The following PTPN14 variants were observed in gnomAD, a reference collection of about 807,000 sequenced individuals.
PTPN14 encodes tyrosine-protein phosphatase non-receptor type 14.
A neutral mutation model predicts 126.8 loss-of-function variants in PTPN14; 53 were observed. The ratio of observed to expected loss-of-function variants is 0.42; its 90% confidence interval spans 0.34 to 0.53. The LOEUF (loss-of-function observed/expected upper bound fraction) is 0.53, where lower values mean the gene tolerates loss of function less well. PTPN14 is among the 20% of genes least tolerant of loss of function. PTPN14 has a pLI of 0.08. For missense variants in PTPN14, 1,257 were observed against 1,552.9 expected (o/e 0.81, Z 3.20); for synonymous variants, 630 against 599.3 (o/e 1.05, Z -0.75).
chr1:214,496,690 A>G (rs78103654), intron 1 of PTPN14, among the ~76,000 whole-genome samples: 7,007 of 152,300 alleles, frequency 0.046, 220 homozygotes, highest in Non-Finnish European at 0.065. Context: ...TAGAAACTAA[A>G]TGACAGCTGG....
chr1:214,433,346 G>A (rs1349181303), intron 3 of PTPN14, among the ~76,000 whole-genome samples: 1 of 151,980 alleles, frequency 6.6e-6, no homozygotes, highest in Non-Finnish European at 1.5e-5. Flanking sequence ...AACTGGCAGG[G>A]TCTAGTGTAA....
intron 1 of PTPN14, among the ~76,000 whole-genome samples, chr1:214,534,216 T>C (rs58327498): frequency 0.018 from 2,713 of 152,212 alleles, 67 homozygotes; most frequent in African/African-American, 0.06. Flanking sequence ...TCTGGCCATA[T>C]GTAACAAGAT....
intron 3 of PTPN14, among the ~76,000 whole-genome samples, chr1:214,421,193 C>T (rs1659536543): frequency 6.6e-6 from 1 of 152,180 alleles, no homozygotes; most frequent in Non-Finnish European, 1.5e-5. Flanking sequence ...GCGGTCTCTT[C>T]AAACAATGGA....
At chr1:214,506,068 T>C (rs528649392) in intron 1 of PTPN14, among the ~76,000 whole-genome samples, 94 of 152,060 alleles carry the variant, frequency 6.2e-4, no homozygotes, top group Non-Finnish European at 1.1e-3. Context: ...GAGATTACTA[T>C]GAAGAAGGGA....
Position 214,508,367 on chromosome 1 carries a change from C to T in PTPN14, c.-155+42816G>A, listed in dbSNP as rs1654892884. Among the ~76,000 whole-genome samples, 4 of 152,322 alleles carry T rather than the reference C, an allele frequency of 2.6e-5. 1 individual carries two copies. The South Asian group carries it at 8.3e-4, about 32-fold the overall frequency. On this transcript the variant is annotated intron_variant, in intron 1 of 18. Coordinates refer to ENST00000366956, the MANE Select transcript of PTPN14 (RefSeq NM_005401.5). ...GTTTTAACAATGTTCACAGCATCAT[C>T]ACCAGGAGTAGATTCCATCTCAGGA...
intron 1 of PTPN14, among the ~76,000 whole-genome samples, chr1:214,490,703 G>A (rs1416550402): frequency 6.6e-6 from 1 of 150,972 alleles, no homozygotes; most frequent in Non-Finnish European, 1.5e-5. Context: ...CAGGCGTGGT[G>A]GTGCGCGCCT....
rs1659387057 is a variant in PTPN14, at chr1:214,414,707, C to T, written c.364G>A (p.Val122Ile). 1.2e-6 allele frequency: 2 copies of T among 1,613,716 alleles called. No individual in the cohort carries two copies. The highest frequency in any genetic ancestry group is 1.7e-5 in the Admixed American group (1 of 59,994). The change falls in exon 4 of 19, where the codon GTC becomes ATC. Residue 122 changes from valine to isoleucine, a missense_variant. This residue lies in a region of PTPN14 where 1,021 missense variants were observed against 1,183.3 expected (regional missense o/e 0.86). Coordinates refer to ENST00000366956, the MANE Select transcript of PTPN14 (RefSeq NM_005401.5). ...EATRYQYYLQ[V>I]KKDVLEGRLR... The stretch of plus-strand genomic sequence containing the variant: ...CGCCCTTCAAGCACATCTTTTTTGA[C>T]TTGCAGGTAATACTGATATCTGTTC...
At chr1:214,492,872 C>G (rs1195529157) in intron 1 of PTPN14, among the ~76,000 whole-genome samples, 1 of 149,014 alleles carries the variant, frequency 6.7e-6, no homozygotes. Context: ...CATTCCAGCC[C>G]GGGCAAGAGA....
At chr1:214,540,493 A>G (rs1022510304) in intron 1 of PTPN14, among the ~76,000 whole-genome samples, 1 of 152,182 alleles carries the variant, frequency 6.6e-6, no homozygotes, top group Admixed American at 6.5e-5. Context: ...ACAGCTCTTC[A>G]GTGGGACACA....
At chr1:214,406,749 G>A (rs765586887) in intron 5 of PTPN14, among the ~76,000 whole-genome samples, 1 of 152,108 alleles carries the variant, frequency 6.6e-6, no homozygotes, top group Non-Finnish European at 1.5e-5. Context: ...TATGATGCAC[G>A]AAATAACTCC....
intron 1 of PTPN14, among the ~76,000 whole-genome samples, chr1:214,548,576 G>T (rs1656029056): frequency 6.6e-6 from 1 of 152,100 alleles, no homozygotes; most frequent in African/African-American, 2.4e-5. Context: ...AGCATTTGGT[G>T]ACTAAGTAAT....
At chr1:214,515,227 G>C (rs1007030034) in intron 1 of PTPN14, among the ~76,000 whole-genome samples, 2 of 152,034 alleles carry the variant, frequency 1.3e-5, no homozygotes, top group African/African-American at 4.8e-5. Flanking sequence ...ATTAGTTAAT[G>C]GAGTTTTTAA....
chr1:214,387,211 T>C (rs948730235), intron 11 of PTPN14, among the ~76,000 whole-genome samples: 1 of 152,264 alleles, frequency 6.6e-6, no homozygotes, highest in Admixed American at 6.5e-5. Context: ...ATCTATGTTC[T>C]AATATATTTG....
In PTPN14 at chr1:214,384,671, T is replaced by G. The variant is rs1443408979; in HGVS notation, c.1184A>C (p.Asn395Thr). 1.2e-5 allele frequency: 20 copies of G among 1,613,424 alleles called. No individual in the cohort carries two copies. Among genetic ancestry groups the G allele is most frequent in the Non-Finnish European group, 1.7e-5 (20 of 1,179,900 alleles). Residue 395 changes from asparagine to threonine, a missense_variant, in exon 13 of 19, where the codon AAC becomes ACC. Around this residue, in one of 3 missense-constraint regions of PTPN14, gnomAD observed 1,021 missense variants for 1,183.3 expected, o/e 0.86. Transcript: ENST00000366956. This position sits in a 1 kb window ranked among gnomAD's most constrained non-coding sequence, Gnocchi z 5.3. ...GAAACTTTGCGAGCAGTTGAGGGAG[T>G]TGACGCTGTGAACGCTACACACGCT... ...NGSVCSVHSV[N>T]SLNCSQSFIQ...
At chr1:214,454,000 T>A (rs751345724) in intron 2 of PTPN14, among the ~76,000 whole-genome samples, 2 of 152,184 alleles carry the variant, frequency 1.3e-5, no homozygotes, top group East Asian at 1.9e-4. Flanking sequence ...AAGAAACTTA[T>A]CTGAAAAGGG....
intron 1 of PTPN14, among the ~76,000 whole-genome samples, chr1:214,535,053 T>G (rs936112507): frequency 1.3e-5 from 2 of 152,008 alleles, no homozygotes; most frequent in Admixed American, 1.3e-4. Context: ...TGAAAAAAGG[T>G]CATGAAAAAG....
intron 7 of PTPN14, among the ~76,000 whole-genome samples, chr1:214,399,053 C>T (rs1658956220): frequency 6.6e-6 from 1 of 152,236 alleles, no homozygotes; most frequent in Admixed American, 6.5e-5. Context: ...AGGCGTGAGC[C>T]ACCGTGCCCG....
At chr1:214,459,758 C>T (rs560439093) in intron 2 of PTPN14, among the ~76,000 whole-genome samples, 28 of 151,926 alleles carry the variant, frequency 1.8e-4, no homozygotes, top group Non-Finnish European at 2.7e-4. Flanking sequence ...CAAGCCACCA[C>T]GCCTGGCCGA....
chr1:214,518,097 C>T (rs1655153700), intron 1 of PTPN14, among the ~76,000 whole-genome samples: 1 of 152,178 alleles, frequency 6.6e-6, no homozygotes, highest in Non-Finnish European at 1.5e-5. Context: ...TCACCTAGCA[C>T]ATGGTAAACA....
Sources: allele counts gnomAD v4.1 joint callset (sites outside exome capture counted in the v4.1 genomes callset), GRCh38; gene constraint gnomAD v4.1.1; regional missense constraint gnomAD v4.1.1; non-coding constraint Gnocchi (gnomAD v3.1); transcripts MANE v1.5; gene names NCBI Gene and HGNC (gene_info 2026-07-23, HGNC 2026-07-21).